The following COG5 variants were observed in gnomAD, a reference collection of about 807,000 sequenced individuals.
The protein encoded by COG5 is component of oligomeric golgi complex 5.
Under a neutral mutation model 110.4 loss-of-function variants are expected in COG5, and 86 were observed. That is an observed-to-expected ratio of 0.78 (90% confidence interval 0.65 to 0.93). COG5 has a LOEUF of 0.93. Among genes scored for constraint, COG5 ranks in the 40% least tolerant of loss-of-function variants. The pLI is 0.00. For missense variants in COG5, 1,077 were observed against 987.0 expected (o/e 1.09, Z -1.22); for synonymous variants, 360 against 334.6 (o/e 1.08, Z -0.83).
intron 1 of COG5, among the ~76,000 whole-genome samples, chr7:107,561,130 G>A (rs62483725): frequency 0.2 from 30,356 of 152,168 alleles, 3,358 homozygotes; most frequent in East Asian, 0.33. Flanking sequence ...CAAACACAAC[G>A]GGATGTGGCA....
At chr7:107,422,401 C>G (rs2129073985) in intron 6 of COG5, among the ~76,000 whole-genome samples, 1 of 152,220 alleles carries the variant, frequency 6.6e-6, no homozygotes, top group South Asian at 2.1e-4. Context: ...GTGGCATGCC[C>G]CTGTAATCCC....
At chr7:107,449,416 C>T (rs1002532662) in intron 6 of COG5, among the ~76,000 whole-genome samples, 2 of 152,166 alleles carry the variant, frequency 1.3e-5, no homozygotes, top group Admixed American at 6.5e-5. Flanking sequence ...GTAGCCACAT[C>T]CTTTTGCTAT....
chr7:107,257,408 C>T (rs1275691081), intron 15 of COG5, among the ~76,000 whole-genome samples: 2 of 151,916 alleles, frequency 1.3e-5, no homozygotes, highest in South Asian at 2.1e-4. Context: ...GTGTAAAATA[C>T]ACATTTTTAG....
At chr7:107,221,281 TG>T (rs1799908699) in intron 19 of COG5, among the ~76,000 whole-genome samples, 1 of 149,654 alleles carries the variant, frequency 6.7e-6, no homozygotes. Context: ...ACCCCAGGGG[TG>T]GGGGTGGGGT....
chr7:107,330,096 G>A (rs774418348), intron 10 of COG5, among the ~76,000 whole-genome samples: 1 of 152,166 alleles, frequency 6.6e-6, no homozygotes, highest in East Asian at 1.9e-4. Flanking sequence ...GAACTGGAAG[G>A]ATATTTGACA....
chr7:107,440,606 T>C (rs1257102784), intron 6 of COG5, among the ~76,000 whole-genome samples: 5 of 152,068 alleles, frequency 3.3e-5, no homozygotes, highest in Admixed American at 1.3e-4. Context: ...GATTAGAGGA[T>C]TGGAATTTTC....
intron 6 of COG5, among the ~76,000 whole-genome samples, chr7:107,447,702 A>G (rs2129091025): frequency 6.6e-6 from 1 of 152,344 alleles, no homozygotes; most frequent in Middle Eastern, 3.4e-3. Flanking sequence ...GGTCATTGGT[A>G]GTTTAGATTA....
rs180940275 is a variant in COG5 at position 107,523,344 on chromosome 7, T to G, written c.538+3893A>C. On this transcript the variant is annotated intron_variant, in intron 6 of 21. Coordinates refer to ENST00000297135, the MANE Select transcript of COG5 (RefSeq NM_006348.5). Reference sequence around the variant, plus strand: ...GTATACAGAAATACAATTAATTTTTTGTATATTTATCTAGTATATTGAAAC... The same window carrying G: ...GTATACAGAAATACAATTAATTTTTGGTATATTTATCTAGTATATTGAAAC... Among the ~76,000 whole-genome samples the G allele has an allele frequency of 5.3e-3, 799 of 151,990 alleles. 9 individuals carry two copies. The highest frequency in any genetic ancestry group is 0.019 in the African/African-American group (768 of 41,434).
chr7:107,225,097 C>T (rs754989577), intron 19 of COG5, among the ~76,000 whole-genome samples: 1 of 152,142 alleles, frequency 6.6e-6, no homozygotes, highest in Admixed American at 6.6e-5. Context: ...TGGACTCAAA[C>T]TCCAGCTGGC....
At chr7:107,513,711 T>C (rs909519795) in intron 6 of COG5, among the ~76,000 whole-genome samples, 1 of 152,128 alleles carries the variant, frequency 6.6e-6, no homozygotes, top group African/African-American at 2.4e-5. Flanking sequence ...TGGAATACTA[T>C]GCAGCCATAA....
intron 6 of COG5, among the ~76,000 whole-genome samples, chr7:107,454,271 A>T (rs796881287): frequency 3.3e-5 from 5 of 152,338 alleles, no homozygotes; most frequent in African/African-American, 1.2e-4. Flanking sequence ...AGAAAATGAT[A>T]TGAAATCTGA....
chr7:107,415,615 A>G (rs1792665727), intron 6 of COG5, among the ~76,000 whole-genome samples: 1 of 151,872 alleles, frequency 6.6e-6, no homozygotes, highest in Non-Finnish European at 1.5e-5. Flanking sequence ...TAATTTTAAA[A>G]AAGAAGAAAA....
chr7:107,311,900 G>T (rs1320587208), intron 11 of COG5, among the ~76,000 whole-genome samples: 1 of 151,394 alleles, frequency 6.6e-6, no homozygotes, highest in Admixed American at 6.6e-5. Flanking sequence ...CATTGCTTCT[G>T]GATGTTGAAT....
intron 8 of COG5, among the ~76,000 whole-genome samples, chr7:107,362,984 T>C (rs1456000867): frequency 6.6e-6 from 1 of 152,136 alleles, no homozygotes; most frequent in Non-Finnish European, 1.5e-5. Flanking sequence ...ACAAAAAAAT[T>C]ACAAAGAAAT....
chr7:107,386,477 G>T (rs1199684496), intron 7 of COG5, among the ~76,000 whole-genome samples: 1 of 152,124 alleles, frequency 6.6e-6, no homozygotes, highest in Non-Finnish European at 1.5e-5. Context: ...AAGCACGACG[G>T]ACCGCCGAAA....
At chr7:107,530,285 C>T (rs906309480) in intron 5 of COG5, among the ~76,000 whole-genome samples, 2 of 152,080 alleles carry the variant, frequency 1.3e-5, no homozygotes, top group Non-Finnish European at 2.9e-5. Flanking sequence ...GAAATCCACC[C>T]AGCCAGATTT....
chr7:107,304,142 C>G (rs982444527), intron 11 of COG5, among the ~76,000 whole-genome samples: 3 of 152,132 alleles, frequency 2.0e-5, no homozygotes, highest in African/African-American at 7.2e-5. Context: ...ATTCCCCTAT[C>G]TTTGTCTTCT....
chr7:107,238,590 T>C (rs1256744916), intron 17 of COG5, among the ~76,000 whole-genome samples: 2 of 152,212 alleles, frequency 1.3e-5, no homozygotes, highest in Non-Finnish European at 2.9e-5. Flanking sequence ...TTTTCCATAA[T>C]GGCTGCCTAA....
intron 11 of COG5, among the ~76,000 whole-genome samples, chr7:107,306,560 T>C (rs1034981452): frequency 2.6e-5 from 4 of 152,228 alleles, no homozygotes; most frequent in Non-Finnish European, 5.9e-5. Context: ...AATATCTGTC[T>C]ATAGCCCTAA....
Sources: gnomAD v4.1 joint callset for allele counts (sites outside exome capture counted in the v4.1 genomes callset) on GRCh38, gnomAD v4.1.1 for gene constraint, MANE v1.5 for transcripts, NCBI Gene and HGNC (gene_info 2026-07-23, HGNC 2026-07-21) for gene names.